The following CAMTA1 variants were observed in gnomAD, a reference collection of about 807,000 sequenced individuals.
CAMTA1 encodes the protein calmodulin-binding transcription activator 1.
CAMTA1 carries 27 observed loss-of-function variants against 170.9 expected under a neutral mutation model. The ratio of observed to expected loss-of-function variants is 0.16; its 90% CI spans 0.12 to 0.22. CAMTA1 has a LOEUF of 0.22. CAMTA1 is among the 10% of genes least tolerant of loss of function. The pLI, the probability that CAMTA1 is intolerant of heterozygous loss-of-function variation, is 1.00. For missense variants in CAMTA1, 1,619 were observed against 2,217.2 expected (o/e 0.73, Z 5.42); for synonymous variants, 833 against 891.5 (o/e 0.93, Z 1.17).
At chr1:7,281,865 CA>C (rs1348282202) in intron 5 of CAMTA1, among the ~76,000 whole-genome samples, 2 of 140,692 alleles carry the variant, frequency 1.4e-5, no homozygotes, top group Non-Finnish European at 3.1e-5. Flanking sequence ...AGTCTAAATC[CA>C]AATTTCTACT....
intron 6 of CAMTA1, among the ~76,000 whole-genome samples, chr1:7,587,257 G>A (rs759459539): frequency 1.3e-5 from 2 of 151,978 alleles, no homozygotes; most frequent in Admixed American, 6.5e-5. Flanking sequence ...CCCTGCAGGC[G>A]GCCCTGCTGT....
chr1:7,552,997 G>C (rs558862863), intron 6 of CAMTA1, among the ~76,000 whole-genome samples: 41 of 152,202 alleles, frequency 2.7e-4, no homozygotes, highest in Non-Finnish European at 5.1e-4. Context: ...GGGACCTCTG[G>C]GAGCTGCAAT....
chr1:6,800,930 T>G (rs1643717497), intron 1 of CAMTA1, among the ~76,000 whole-genome samples: 1 of 152,256 alleles, frequency 6.6e-6, no homozygotes, highest in Non-Finnish European at 1.5e-5. Flanking sequence ...CCTTTCCATC[T>G]CAGCCATTAT....
chr1:6,926,340 T>C (rs993387045), intron 3 of CAMTA1, among the ~76,000 whole-genome samples: 7 of 139,942 alleles, frequency 5.0e-5, no homozygotes, highest in South Asian at 2.6e-4. Context: ...CTCCTCTCCT[T>C]TCCTTTCCTC....
chr1:7,699,551 G>A (rs1445627784), intron 11 of CAMTA1, among the ~76,000 whole-genome samples: 2 of 152,160 alleles, frequency 1.3e-5, no homozygotes, highest in Non-Finnish European at 2.9e-5. Flanking sequence ...GAATGGCTGG[G>A]TCACATCATA....
At position 7,403,845 on chromosome 1, in the gene CAMTA1, G is replaced by A. The variant is rs558329200; in HGVS notation, c.439-63985G>A. 8.5e-4 allele frequency among the ~76,000 whole-genome samples: 129 copies of A among 152,254 alleles called. 2 individuals are homozygous for A. In the Middle Eastern group the frequency reaches 0.02, roughly 24 times the overall value. On this transcript the variant is annotated intron_variant, in intron 5 of 22. Coordinates refer to ENST00000303635, the MANE Select transcript of CAMTA1 (RefSeq NM_015215.4). ...TCCTCACCGCAACCCCCCAAGGGAC[G>A]TACCAGGACTAGTCATTTTACAAGT... is the stretch of plus-strand genomic sequence containing the variant.
Position 7,736,246 on chromosome 1 carries a change from G to A in CAMTA1, c.3067-98G>A. On this transcript the variant is annotated intron_variant, in intron 12 of 22. Coordinates refer to ENST00000303635, the MANE Select transcript of CAMTA1 (RefSeq NM_015215.4). The surrounding 1 kb of genome is among the most constrained non-coding windows in gnomAD (Gnocchi z 4.5). ...CAGTGTTTTATGTTTTCCGTTGTGAGTTTCTAATCGTAAAGCATTTGTTTC... is the reference window on the plus strand; with the variant it reads ...CAGTGTTTTATGTTTTCCGTTGTGAATTTCTAATCGTAAAGCATTTGTTTC... The A allele has an allele frequency of 1.0e-6, 1 of 993,462 alleles. No homozygotes were observed. Among genetic ancestry groups the A allele is most frequent in the Non-Finnish European group, 1.5e-6 (1 of 663,860 alleles). 61.5% of individuals were successfully genotyped at this position (993,462 alleles called of 1,614,324 possible). A position where few individuals can be genotyped will look rare whatever the true frequency, so the allele number is the denominator to read the frequency against.
intron 22 of CAMTA1, among the ~76,000 whole-genome samples, chr1:7,760,345 C>T (rs899556431): frequency 2.6e-5 from 4 of 152,174 alleles, no homozygotes; most frequent in South Asian, 4.1e-4. Context: ...CTGAAAATTA[C>T]GCTTACACTT....
At chr1:7,003,894 CAA>C (rs1408414965) in intron 3 of CAMTA1, among the ~76,000 whole-genome samples, 2 of 152,200 alleles carry the variant, frequency 1.3e-5, no homozygotes, top group African/African-American at 4.8e-5. Context: ...ACATGTCAGA[CAA>C]GAGATTATTC....
chr1:7,189,014 T>C (rs1654015197), intron 4 of CAMTA1, among the ~76,000 whole-genome samples: 1 of 152,204 alleles, frequency 6.6e-6, no homozygotes, highest in African/African-American at 2.4e-5. Flanking sequence ...AAGTGTGAAG[T>C]GGTATCAAAC....
At chr1:7,066,208 C>T (rs1265600501) in intron 3 of CAMTA1, among the ~76,000 whole-genome samples, 1 of 152,248 alleles carries the variant, frequency 6.6e-6, no homozygotes, top group Non-Finnish European at 1.5e-5. Context: ...GTGGTTCCCT[C>T]TTCTTCTCCC....
rs1386728248 is a variant in CAMTA1, at chr1:7,738,411, A to G, written c.4111A>G (p.Asn1371Asp). The change falls in exon 16 of 23, where the codon AAT becomes GAT. Residue 1371 changes from asparagine (N) to aspartate (D), a missense_variant. Around this residue, in one of 8 missense-constraint regions of CAMTA1, gnomAD observed 370 missense variants for 429.4 expected, o/e 0.86. Transcript: ENST00000303635. This position sits in a 1 kb window ranked among gnomAD's most constrained non-coding sequence, Gnocchi z 4.9. ...GATGATGGCTAACAGAGAGGTGGTG[A>G]ATACAGAGCTGGGGTCCTACCGTGA... ...VLMMANREVV[N>D]TELGSYRDSA... 4 of 1,614,060 alleles carry G rather than the reference A, an allele frequency of 2.5e-6. No individual in the cohort carries two copies. The highest frequency in any genetic ancestry group is 1.3e-5 in the African/African-American group (1 of 74,908).
intron 3 of CAMTA1, among the ~76,000 whole-genome samples, chr1:7,057,572 G>A (rs1476396635): frequency 6.6e-6 from 1 of 152,084 alleles, no homozygotes. Context: ...ATGTCCAGCT[G>A]CCCAATGGAC....
intron 11 of CAMTA1, among the ~76,000 whole-genome samples, chr1:7,684,962 G>A (rs545826071): frequency 3.3e-5 from 5 of 152,312 alleles, no homozygotes; most frequent in Admixed American, 6.5e-5. Context: ...GAAGCGCAGT[G>A]AAGAAGCCGC....
At chr1:7,489,651 C>T (rs1330337603) in intron 6 of CAMTA1, among the ~76,000 whole-genome samples, 2 of 152,118 alleles carry the variant, frequency 1.3e-5, no homozygotes, top group African/African-American at 4.8e-5. Flanking sequence ...CAAAGCATTG[C>T]GCAGAATTTA....
chr1:7,663,553 C>G lies in CAMTA1; in HGVS notation c.1006C>G (p.Leu336Val). The change falls in exon 9 of 23, where the codon CTG becomes GTG. Residue 336 changes from leucine to valine, a missense_variant. Around this residue, in one of 8 missense-constraint regions of CAMTA1, gnomAD observed 731 missense variants for 907.6 expected, o/e 0.81. Transcript: ENST00000303635. Reference sequence around the variant, plus strand: ...CGGCAAGGTGGCCAAGCCCGTGCTCCTGCACCAGAGCAGCACCGAGGTCTC... The same window carrying G: ...CGGCAAGGTGGCCAAGCCCGTGCTCGTGCACCAGAGCAGCACCGAGGTCTC... ...RNGKVAKPVL[L>V]HQSSTEVSST... 6.2e-7 allele frequency: 1 copy of G among 1,609,754 alleles called. No individual in the cohort carries two copies. Among genetic ancestry groups the G allele is most frequent in the Non-Finnish European group, 8.5e-7 (1 of 1,176,484 alleles).
chr1:7,640,411 C>A lies in CAMTA1; in HGVS notation c.522C>A (p.Ile174=), dbSNP rs376552325. 1.9e-6 allele frequency: 3 copies of A among 1,613,966 alleles called. No homozygotes were observed. In the African/African-American group the frequency reaches 4.0e-5, roughly 22 times the overall value. ...TGCTCTCCCCACAGAACCCCGACATCGTCCTGGTGCACTACCTGAACGTGC... is the reference window on the plus strand; with the variant it reads ...TGCTCTCCCCACAGAACCCCGACATAGTCCTGGTGCACTACCTGAACGTGC... ...RCYWLLQNPD[I]VLVHYLNVPA... The change falls in exon 7 of 23, where the codon ATC becomes ATA. Residue 174 remains isoleucine, a synonymous_variant. Coordinates refer to ENST00000303635, the MANE Select transcript of CAMTA1 (RefSeq NM_015215.4).
intron 3 of CAMTA1, among the ~76,000 whole-genome samples, chr1:6,948,326 A>G (rs925697630): frequency 2.6e-5 from 4 of 152,198 alleles, no homozygotes; most frequent in African/African-American, 9.7e-5. Context: ...TTTAGAGTTT[A>G]GTGAGAAGCT....
intron 4 of CAMTA1, among the ~76,000 whole-genome samples, chr1:7,119,720 A>G (rs1429182312): frequency 6.6e-6 from 1 of 152,356 alleles, no homozygotes; most frequent in East Asian, 1.9e-4. Context: ...GGCATCTGAT[A>G]TAACAATACA....
Sources: allele counts gnomAD v4.1 joint callset (sites outside exome capture counted in the v4.1 genomes callset), GRCh38; gene constraint gnomAD v4.1.1; regional missense constraint gnomAD v4.1.1; non-coding constraint Gnocchi (gnomAD v3.1); transcripts MANE v1.5; gene names NCBI Gene and HGNC (gene_info 2026-07-23, HGNC 2026-07-21).